Variants in NRG3 observed in about 807,000 individuals in gnomAD.
NRG3 encodes the protein neuregulin 3, also known as pro-neuregulin-3, membrane-bound isoform.
Under a neutral mutation model 66.9 loss-of-function variants are expected in NRG3, and 31 were observed. The ratio of observed to expected loss-of-function variants is 0.46; its 90% confidence interval spans 0.35 to 0.63. The LOEUF is 0.63. Among genes scored for constraint, NRG3 ranks in the 20% least tolerant of loss-of-function variants. The probability of loss-of-function intolerance (pLI) is 0.00; values close to 1 mark genes in which losing one functional copy is unlikely to be tolerated. For synonymous variants in NRG3, 393 were observed against 359.4 expected (o/e 1.09, Z -1.06); for missense variants, 910 against 878.9 (o/e 1.04, Z -0.45).
chr10:82,649,459 C>CTTTTTTTT (rs71469930), intron 2 of NRG3, among the ~76,000 whole-genome samples: 1 of 48,794 alleles, frequency 2.0e-5, no homozygotes, highest in African/African-American at 6.3e-5. Flanking sequence ...CTGGTGCAGG[C>CTTTTTTTT]TTTTTTTTTT....
At chr10:82,768,127 C>T (rs1427348569) in intron 3 of NRG3, among the ~76,000 whole-genome samples, 2 of 152,138 alleles carry the variant, frequency 1.3e-5, no homozygotes, top group Non-Finnish European at 2.9e-5. Flanking sequence ...CTGACTGTTG[C>T]AAGTCAAGAG....
chr10:82,736,415 T>G (rs2058156411), intron 2 of NRG3, among the ~76,000 whole-genome samples: 1 of 152,256 alleles, frequency 6.6e-6, no homozygotes, highest in Admixed American at 6.5e-5. Flanking sequence ...TACTTTGTTT[T>G]TCTTAAAACT....
intron 1 of NRG3, among the ~76,000 whole-genome samples, chr10:82,020,728 A>G (rs746061224): frequency 6.6e-6 from 1 of 152,032 alleles, no homozygotes; most frequent in African/African-American, 2.4e-5. Context: ...TCAACCCCTC[A>G]TTGCTAATTG....
chr10:82,007,962 C>T (rs1458642784), intron 1 of NRG3, among the ~76,000 whole-genome samples: 1 of 152,058 alleles, frequency 6.6e-6, no homozygotes. Context: ...GAAACAACTT[C>T]TATTATTTAC....
At chr10:82,258,210 A>T (rs909653624) in intron 1 of NRG3, among the ~76,000 whole-genome samples, 17 of 152,218 alleles carry the variant, frequency 1.1e-4, no homozygotes, top group African/African-American at 3.1e-4. Flanking sequence ...TCTCAATTAT[A>T]TTGGTCATGA....
In NRG3 at chr10:82,013,237, C is replaced by A. The variant is rs190730271; in HGVS notation, c.823+137074C>A. On this transcript the variant is annotated intron_variant, in intron 1 of 8. Transcript: ENST00000372141. ...GCAAGAGAGCTTGTGCAGGGGAACT[C>A]TCATTTATAAAACCATCAGATTTTG... Among the ~76,000 whole-genome samples, 57 of 152,214 alleles carry A rather than the reference C, an allele frequency of 3.7e-4. No individual in the cohort carries two copies. In the East Asian group the frequency reaches 9.1e-3, roughly 24 times the overall value.
intron 2 of NRG3, among the ~76,000 whole-genome samples, chr10:82,418,646 G>A (rs371614422): frequency 1.3e-5 from 2 of 152,108 alleles, no homozygotes; most frequent in African/African-American, 4.8e-5. Flanking sequence ...TGTTGCCTAG[G>A]CTGGAGTGCA....
At chr10:81,886,992 T>G (rs1382995746) in intron 1 of NRG3, among the ~76,000 whole-genome samples, 1 of 152,178 alleles carries the variant, frequency 6.6e-6, no homozygotes, top group East Asian at 1.9e-4. Flanking sequence ...AAGTTTTAGT[T>G]ATTGTTCATG....
intron 2 of NRG3, among the ~76,000 whole-genome samples, chr10:82,419,298 A>G (rs2088879558): frequency 6.6e-6 from 1 of 152,188 alleles, no homozygotes. Context: ...ACATATTTGG[A>G]TAATTGAAAG....
chr10:82,791,564 C>G (rs888500236), intron 3 of NRG3, among the ~76,000 whole-genome samples: 2 of 152,154 alleles, frequency 1.3e-5, no homozygotes, highest in Admixed American at 6.5e-5. Flanking sequence ...TTTCAGGATT[C>G]AAGATCAGAC....
intron 1 of NRG3, among the ~76,000 whole-genome samples, chr10:82,246,082 T>G (rs770386144): frequency 8.6e-5 from 13 of 150,676 alleles, no homozygotes; most frequent in Non-Finnish European, 1.9e-4. Context: ...GAGGATAAGA[T>G]CTTGTGATAA....
At chr10:82,863,307 G>A (rs986481877) in intron 3 of NRG3, among the ~76,000 whole-genome samples, 1 of 152,194 alleles carries the variant, frequency 6.6e-6, no homozygotes, top group South Asian at 2.1e-4. Context: ...TGTAAATAGT[G>A]ATGAAATGAA....
At chr10:82,313,062 C>T (rs2081114758) in intron 1 of NRG3, among the ~76,000 whole-genome samples, 1 of 152,034 alleles carries the variant, frequency 6.6e-6, no homozygotes, top group Admixed American at 6.6e-5. Flanking sequence ...CCTGTAGTCC[C>T]AGTTACTTGG....
chr10:82,253,982 C>T (rs1354649603), intron 1 of NRG3, among the ~76,000 whole-genome samples: 5 of 152,128 alleles, frequency 3.3e-5, no homozygotes, highest in African/African-American at 4.8e-5. Context: ...CGTTCATTAC[C>T]CAGCTTTCAC....
At chr10:82,129,560 C>A (rs2068674483) in intron 1 of NRG3, among the ~76,000 whole-genome samples, 1 of 151,898 alleles carries the variant, frequency 6.6e-6, no homozygotes, top group Non-Finnish European at 1.5e-5. Flanking sequence ...ATGAACATTT[C>A]AATTATACTC....
intron 3 of NRG3, among the ~76,000 whole-genome samples, chr10:82,776,116 A>G (rs563154703): frequency 9.8e-5 from 15 of 152,320 alleles, no homozygotes; most frequent in East Asian, 1.9e-4. Context: ...AGGCAGTTCT[A>G]TTGGTGATAC....
At chr10:82,114,790 T>C (rs2067602413) in intron 1 of NRG3, among the ~76,000 whole-genome samples, 1 of 152,116 alleles carries the variant, frequency 6.6e-6, no homozygotes, top group South Asian at 2.1e-4. Context: ...TTTCATGATG[T>C]GTTTTTGGAA....
At chr10:82,365,152 A>G (rs1225865998) in intron 2 of NRG3, among the ~76,000 whole-genome samples, 1 of 152,168 alleles carries the variant, frequency 6.6e-6, no homozygotes, top group Non-Finnish European at 1.5e-5. Flanking sequence ...GGTCCTCTAT[A>G]TCAAATGGTT....
At chr10:82,923,792 T>A (rs1846698208) in intron 4 of NRG3, among the ~76,000 whole-genome samples, 4 of 151,968 alleles carry the variant, frequency 2.6e-5, no homozygotes. Context: ...CCCCTCCTCC[T>A]TCTACCTGTG....
Sources: allele counts gnomAD v4.1 joint callset (sites outside exome capture counted in the v4.1 genomes callset), GRCh38; gene constraint gnomAD v4.1.1; transcripts MANE v1.5; gene names NCBI Gene and HGNC (gene_info 2026-07-23, HGNC 2026-07-21).